ABI2: variants seen among roughly 807,000 people sequenced by gnomAD.
ABI2 encodes abelson interactor 2.
A neutral mutation model predicts 59.2 loss-of-function variants in ABI2; 25 were observed. The observed-to-expected ratio is 0.42, with a 90% CI of 0.31 to 0.59. ABI2 has a LOEUF of 0.59. ABI2 is among the 20% of genes least tolerant of loss of function. The pLI, the probability that ABI2 is intolerant of heterozygous loss-of-function variation, is 0.14. For synonymous variants in ABI2, 213 were observed against 235.5 expected (o/e 0.90, Z 0.87); for missense variants, 545 against 681.8 (o/e 0.80, Z 2.23).
chr2:203,388,916 C>G (rs909319969), intron 4 of ABI2, among the ~76,000 whole-genome samples: 2 of 152,072 alleles, frequency 1.3e-5, no homozygotes, highest in African/African-American at 4.8e-5. Context: ...ATTCCTGCTC[C>G]TTTTCCTTCC....
At chr2:203,382,280 TG>T in intron 4 of ABI2, 74 bp downstream of exon 4, 2 of 1,257,512 alleles carry the variant, frequency 1.6e-6, no homozygotes, top group Non-Finnish European at 2.2e-6. Context: ...TTAAAGAGAT[TG>T]TTAACTCTTG....
At chr2:203,365,277 T>A (rs951166823) in intron 1 of ABI2, among the ~76,000 whole-genome samples, 13 of 152,318 alleles carry the variant, frequency 8.5e-5, no homozygotes, top group African/African-American at 3.1e-4. Flanking sequence ...TTTTTTCACT[T>A]AGTTATATCG....
chr2:203,355,241 T>C, intron 1 of ABI2: 1 of 372,108 alleles, frequency 2.7e-6, no homozygotes. Flanking sequence ...GTACGGTGGC[T>C]CATTCCTGTA....
intron 9 of ABI2, among the ~76,000 whole-genome samples, chr2:203,407,827 G>GCC (rs1440156398): frequency 3.3e-5 from 5 of 152,140 alleles, no homozygotes; most frequent in Non-Finnish European, 5.9e-5. Flanking sequence ...ACTGAATATT[G>GCC]CAACAATTCT....
chr2:203,417,184 A>G lies in ABI2; in HGVS notation c.1453+103A>G, dbSNP rs899581515. ...CTTATTTTCTACTAAGTGAAGTTCT[A>G]TTTATTTGTATTTGTGCATTTTTAC... On this transcript the variant is annotated intron_variant, in intron 11 of 11. Transcript: ENST00000261018. 19 of 1,052,050 alleles carry G rather than the reference A, an allele frequency of 1.8e-5. No individual in the cohort carries two copies. In the African/African-American group the frequency reaches 2.8e-4, roughly 15 times the overall value. 65.2% of individuals were successfully genotyped at this position (1,052,050 alleles called of 1,614,324 possible).
At chr2:203,369,738 G>A (rs952716844) in intron 2 of ABI2, among the ~76,000 whole-genome samples, 43 of 152,148 alleles carry the variant, frequency 2.8e-4, no homozygotes, top group African/African-American at 1.0e-3. Context: ...GAGGGCAATA[G>A]TTGGAGGGGT....
intron 2 of ABI2, chr2:203,376,169 C>T (rs184084228): frequency 6.4e-6 from 8 of 1,245,280 alleles, no homozygotes; most frequent in African/African-American, 2.9e-5. Context: ...CTCTATAGAT[C>T]TTTGGTTCTC....
chr2:203,355,219 AAAG>A (rs1435076501), intron 1 of ABI2: 3 of 399,226 alleles, frequency 7.5e-6, no homozygotes, highest in South Asian at 1.8e-5. Flanking sequence ...AAAGTTAAAA[AAAG>A]AAGACTGGGT....
chr2:203,408,833 C>CTTTTT (rs1156536730), intron 9 of ABI2, among the ~76,000 whole-genome samples: 2 of 87,202 alleles, frequency 2.3e-5, no homozygotes, highest in East Asian at 2.5e-4. Flanking sequence ...CTTCTCCTTT[C>CTTTTT]TTTTTTTTTT....
intron 2 of ABI2, among the ~76,000 whole-genome samples, chr2:203,378,179 C>T (rs867785057): frequency 1.3e-5 from 2 of 150,958 alleles, no homozygotes; most frequent in Admixed American, 6.6e-5. Flanking sequence ...GTGGCACAAT[C>T]TCGGCTCATT....
chr2:203,387,884 A>G (rs2096592530), intron 4 of ABI2, among the ~76,000 whole-genome samples: 1 of 152,202 alleles, frequency 6.6e-6, no homozygotes, highest in African/African-American at 2.4e-5. Context: ...CTCCATCAGC[A>G]CATAGAGATC....
chr2:203,329,416 A>G lies in ABI2; in HGVS notation c.117+785A>G, dbSNP rs561368989. Among the ~76,000 whole-genome samples, 117 of 130,280 alleles carry G rather than the reference A, an allele frequency of 9.0e-4. 1 individual carries two copies. Among genetic ancestry groups the G allele is most frequent in the Non-Finnish European group, 6.2e-5 (4 of 64,384 alleles). 85.5% of individuals were successfully genotyped at this position (130,280 alleles called of 152,430 possible). A position where few individuals can be genotyped will look rare whatever the true frequency, so the allele number is the denominator to read the frequency against. On this transcript the variant is annotated intron_variant, in intron 1 of 11. Transcript: ENST00000261018. Reference sequence around the variant, plus strand: ...GGCTGATAGTGGTAGGGGCGTGTGTATGGAGGCGGGGGATACCGGATGGTA... The same window carrying G: ...GGCTGATAGTGGTAGGGGCGTGTGTGTGGAGGCGGGGGATACCGGATGGTA...
chr2:203,392,978 A>G (rs545801849), intron 5 of ABI2, among the ~76,000 whole-genome samples: 3 of 108,622 alleles, frequency 2.8e-5, no homozygotes, highest in African/African-American at 9.1e-5. Flanking sequence ...TTTTTTTTTT[A>G]AAAAAAATCT....
At chr2:203,351,532 G>GTTTTTTTTTTT in intron 1 of ABI2, 3 of 387,520 alleles carry the variant, frequency 7.7e-6, no homozygotes, top group East Asian at 7.9e-5. Context: ...TCAGTGTTTA[G>GTTTTTTTTTTT]TTTTTTTTTT....
At chr2:203,396,207 C>G (rs555839868) in intron 7 of ABI2, among the ~76,000 whole-genome samples, 2 of 152,272 alleles carry the variant, frequency 1.3e-5, no homozygotes, top group African/African-American at 4.8e-5. Flanking sequence ...ACCCTCTTTT[C>G]TCTGAAACAG....
chr2:203,415,921 G>A (rs567955321), intron 10 of ABI2, among the ~76,000 whole-genome samples: 1 of 152,314 alleles, frequency 6.6e-6, no homozygotes, highest in South Asian at 2.1e-4. Context: ...ATCTCCATGT[G>A]AGATATTTTA....
At chr2:203,409,433 T>C (rs1338429312) in intron 9 of ABI2, among the ~76,000 whole-genome samples, 1 of 152,212 alleles carries the variant, frequency 6.6e-6, no homozygotes, top group Non-Finnish European at 1.5e-5. Context: ...ACTGTAGATA[T>C]TTTGCATAAT....
chr2:203,396,711 C>G, intron 7 of ABI2, 74 bp from the exon 8 acceptor site: 2 of 1,407,446 alleles, frequency 1.4e-6, no homozygotes, highest in Admixed American at 2.9e-5. Flanking sequence ...ACATTAAATA[C>G]TCTAATACCT....
chr2:203,340,447 G>C (rs1049377336), intron 1 of ABI2, among the ~76,000 whole-genome samples: 6 of 151,688 alleles, frequency 4.0e-5, no homozygotes, highest in Admixed American at 6.6e-5. Flanking sequence ...GCTCACTGCA[G>C]CCTCACCTCC....
Sources: gnomAD v4.1 joint callset for allele counts (sites outside exome capture counted in the v4.1 genomes callset) on GRCh38, gnomAD v4.1.1 for gene constraint, MANE v1.5 for transcripts, NCBI Gene and HGNC (gene_info 2026-07-23, HGNC 2026-07-21) for gene names.